POU2F2: variants seen among roughly 807,000 people sequenced by gnomAD.
The protein encoded by POU2F2 is POU domain, class 2, transcription factor 2.
POU2F2 carries 14 observed loss-of-function variants against 63.5 expected under a neutral mutation model. That is an observed-to-expected ratio of 0.22 (90% CI 0.15 to 0.34). POU2F2 has a LOEUF of 0.34. Among genes scored for constraint, POU2F2 ranks in the 10% least tolerant of loss-of-function variants. The pLI, the probability that POU2F2 is intolerant of heterozygous loss-of-function variation, is 1.00. For missense variants in POU2F2, 607 were observed against 815.2 expected (o/e 0.74, Z 3.11); for synonymous variants, 306 against 348.6 (o/e 0.88, Z 1.36).
intron 1 of POU2F2, among the ~76,000 whole-genome samples, chr19:42,194,114 C>T (rs369901177): frequency 1.6e-4 from 24 of 152,236 alleles, no homozygotes; most frequent in South Asian, 1.2e-3. Context: ...AAAAGCAAGG[C>T]GGTGGCTCAT....
In POU2F2 at chr19:42,122,505, A is replaced by G; in HGVS notation, c.94+6T>C. 6.2e-7 allele frequency: 1 copy of G among 1,600,772 alleles called. No individual in the cohort carries two copies. Among genetic ancestry groups the G allele is most frequent in the Non-Finnish European group, 8.5e-7 (1 of 1,173,796 alleles). On this transcript the variant is annotated splice_donor_region_variant and intron_variant, in intron 2 of 14. Transcript: ENST00000692977. ...ACCCCTGCCCCCCTGCTCCCTGCCC[A>G]CCCACCTGTGTGCTCTGATGGGGAG...
intron 12 of POU2F2, among the ~76,000 whole-genome samples, chr19:42,093,007 ATATTTTTT>A (rs2076785705): frequency 1.6e-5 from 1 of 62,274 alleles, no homozygotes; most frequent in African/African-American, 5.0e-5. Flanking sequence ...ATATATATAT[ATATTTTTT>A]TTTTTTTTTT....
chr19:42,166,297 T>C (rs1450169949), intron 1 of POU2F2, among the ~76,000 whole-genome samples: 1 of 152,036 alleles, frequency 6.6e-6, no homozygotes, highest in Non-Finnish European at 1.5e-5. Context: ...TCTCATGCTC[T>C]GGGGACACTC....
upstream of POU2F2, chr19:42,137,003 C>G (rs1293856090): frequency 2.0e-5 from 3 of 152,134 alleles, no homozygotes; most frequent in Admixed American, 6.5e-5. Flanking sequence ...AATCTGACCT[C>G]AAGGAGCTAA....
chr19:42,127,230 C>G (rs187308147), intron 1 of POU2F2, among the ~76,000 whole-genome samples: 4 of 151,912 alleles, frequency 2.6e-5, no homozygotes, highest in Non-Finnish European at 4.4e-5. Context: ...TCTGGGATTA[C>G]AGCCATGAGC....
Position 42,088,508 on chromosome 19 carries a change from T to G in POU2F2, c.*2749A>C, listed in dbSNP as rs2076617933. 6.6e-6 allele frequency: 1 copy of G among 150,406 alleles called. No individual in the cohort carries two copies. The highest frequency in any genetic ancestry group is 1.5e-5 in the Non-Finnish European group (1 of 67,534). 9.3% of individuals were successfully genotyped at this position (150,406 alleles called of 1,614,324 possible). On this transcript the variant is annotated 3_prime_UTR_variant, in exon 15 of 15. Transcript: ENST00000692977. The stretch of plus-strand genomic sequence containing the variant: ...CTGGATTTTCTTTCCTTTTTTTTTT[T>G]TTTTTTTCCTTTTTGGTCTAGAATC...
At chr19:42,105,372 G>C (rs1568997488) in intron 5 of POU2F2, among the ~76,000 whole-genome samples, 1 of 152,042 alleles carries the variant, frequency 6.6e-6, no homozygotes, top group African/African-American at 2.4e-5. Context: ...TCGGAACCTG[G>C]TAAGCCCCCA....
chr19:42,114,593 AG>A (rs924053909), intron 5 of POU2F2, among the ~76,000 whole-genome samples: 14 of 152,206 alleles, frequency 9.2e-5, no homozygotes, highest in African/African-American at 3.4e-4. Context: ...CCGGGGTGGG[AG>A]GGGCTAGAAA....
At chr19:42,195,849 G>A (rs2035139120) in intron 1 of POU2F2, among the ~76,000 whole-genome samples, 1 of 146,504 alleles carries the variant, frequency 6.8e-6, no homozygotes, top group South Asian at 2.1e-4. Context: ...GCGTGATTTC[G>A]GCTCACTGCA....
chr19:42,190,620 G>A (rs762931085), intron 1 of POU2F2, among the ~76,000 whole-genome samples: 60 of 152,250 alleles, frequency 3.9e-4, no homozygotes, highest in Non-Finnish European at 7.9e-4. Context: ...CTGTGAGGCC[G>A]AGGCAGGCTG....
At chr19:42,137,926 C>G (rs1221541924) in intron 2 of POU2F2, among the ~76,000 whole-genome samples, 1 of 152,092 alleles carries the variant, frequency 6.6e-6, no homozygotes, top group Non-Finnish European at 1.5e-5. Context: ...AGAAAGGAGG[C>G]CTATAGAGCT....
rs1387764085 is a variant in POU2F2, at chr19:42,117,736, T to G, written c.187-304A>C. ...GGCTCATACCTGTAACCCTAGCACT[T>G]TGGGAGGTCGAGGCAGGCGGATCAC... On this transcript the variant is annotated intron_variant, in intron 4 of 14. Coordinates refer to ENST00000692977, the MANE Select transcript of POU2F2 (RefSeq NM_001394376.1). This position sits in a 1 kb window ranked among gnomAD's most constrained non-coding sequence, Gnocchi z 4.4. 6.6e-6 allele frequency among the ~76,000 whole-genome samples: 1 copy of G among 151,728 alleles called. No homozygotes were observed. Among genetic ancestry groups the G allele is most frequent in the African/African-American group, 2.4e-5 (1 of 41,260 alleles).
chr19:42,162,521 C>A lies in POU2F2; in HGVS notation c.-69-2129G>T, dbSNP rs2034572110. ...GGAAGAGTGGGAGCCAGAATTTGAA[C>A]CTGATGTGTCTGACTCCAAAGCCTA... is the stretch of plus-strand genomic sequence containing the variant. On this transcript the variant is annotated intron_variant, in intron 1 of 6. Transcript: ENST00000524801. This position sits in a 1 kb window ranked among gnomAD's most constrained non-coding sequence, Gnocchi z 4.1. 6.6e-6 allele frequency among the ~76,000 whole-genome samples: 1 copy of A among 152,114 alleles called. No individual in the cohort carries two copies. The highest frequency in any genetic ancestry group is 2.1e-4 in the South Asian group (1 of 4,814).
At chr19:42,146,264 G>A (rs2034232360) in intron 2 of POU2F2, among the ~76,000 whole-genome samples, 2 of 152,136 alleles carry the variant, frequency 1.3e-5, no homozygotes, top group Admixed American at 6.5e-5. Context: ...CAGGAAACCG[G>A]ACTCCAAAGT....
At chr19:42,145,875 A>G (rs2034219617) in intron 2 of POU2F2, among the ~76,000 whole-genome samples, 2 of 152,094 alleles carry the variant, frequency 1.3e-5, no homozygotes, top group African/African-American at 4.8e-5. Flanking sequence ...CGGAGGTTGC[A>G]GTGAGCTGAG....
At chr19:42,116,210 C>T (rs2031839547) in intron 5 of POU2F2, among the ~76,000 whole-genome samples, 1 of 152,196 alleles carries the variant, frequency 6.6e-6, no homozygotes, top group African/African-American at 2.4e-5. Flanking sequence ...CCAGCAAAAG[C>T]TCCAGAGTCA....
intron 5 of POU2F2, among the ~76,000 whole-genome samples, chr19:42,103,586 C>T (rs1232551515): frequency 2.0e-5 from 3 of 150,310 alleles, no homozygotes; most frequent in Non-Finnish European, 4.4e-5. Flanking sequence ...AGTGAACAAA[C>T]TGGGAAAATA....
At chr19:42,131,517 T>C (rs919567926) in intron 1 of POU2F2, among the ~76,000 whole-genome samples, 1 of 152,138 alleles carries the variant, frequency 6.6e-6, no homozygotes, top group African/African-American at 2.4e-5. Flanking sequence ...ATGTATTACC[T>C]CATTTAAGAC....
chr19:42,131,842 G>A (rs908123793), intron 1 of POU2F2, among the ~76,000 whole-genome samples: 2 of 152,002 alleles, frequency 1.3e-5, no homozygotes, highest in East Asian at 3.9e-4. Flanking sequence ...ATGAAGTGAA[G>A]AAGGGAGCCA....
Sources: gnomAD v4.1 joint callset for allele counts (sites outside exome capture counted in the v4.1 genomes callset) on GRCh38, gnomAD v4.1.1 for gene constraint, Gnocchi (gnomAD v3.1) non-coding constraint, MANE v1.5 for transcripts, NCBI Gene and HGNC (gene_info 2026-07-23, HGNC 2026-07-21) for gene names.